Variants in ECT2L observed in about 807,000 individuals in gnomAD.
The protein encoded by ECT2L is epithelial cell transforming 2 like, also known as epithelial cell-transforming sequence 2 oncogene-like.
Under a neutral mutation model 122.8 loss-of-function variants are expected in ECT2L, and 126 were observed. The ratio of observed to expected loss-of-function variants is 1.03; its 90% CI spans 0.89 to 1.19. The LOEUF (loss-of-function observed/expected upper bound fraction) is 1.19, where lower values mean the gene tolerates loss of function less well. ECT2L is among the 50% of genes most tolerant of loss of function. The pLI is 0.00. For synonymous variants in ECT2L, 385 were observed against 381.8 expected, an observed-to-expected ratio of 1.01 and a Z score of -0.10; for missense variants, 1,012 against 1,064.1, an observed-to-expected ratio of 0.95 and a Z score of 0.68.
chr6:138,895,414 A>G (rs991296908), intron 20 of ECT2L, among the ~76,000 whole-genome samples: 2 of 152,172 alleles, frequency 1.3e-5, no homozygotes, highest in African/African-American at 4.8e-5. Context: ...TAAGTTGCCT[A>G]AAGTCATAGA....
intron 1 of ECT2L, among the ~76,000 whole-genome samples, chr6:138,800,186 A>G (rs1170664737): frequency 1.3e-5 from 2 of 152,234 alleles, no homozygotes; most frequent in Non-Finnish European, 2.9e-5. Context: ...TCCAGTTTAC[A>G]TCACCCACAC....
Position 138,860,900 on chromosome 6 carries a change from C to T in ECT2L, c.1199-1727C>T, listed in dbSNP as rs552934267. Among the ~76,000 whole-genome samples, 502 of 152,056 alleles carry T rather than the reference C, an allele frequency of 3.3e-3. 3 individuals carry two copies. The highest frequency in any genetic ancestry group is 0.01 in the Middle Eastern group (3 of 294). ...CTTTCCCGCCAACCCCCTGACAGGC[C>T]CCAGTGTGTGATGTTCCCCTCCCTG... On this transcript the variant is annotated intron_variant, in intron 10 of 21. Transcript: ENST00000541398.
At chr6:138,854,266 A>T in intron 10 of ECT2L, 112 bp downstream of exon 10, 4 of 1,300,686 alleles carry the variant, frequency 3.1e-6, no homozygotes, top group Non-Finnish European at 4.1e-6. Flanking sequence ...TTCACGCTTC[A>T]ATTTCTTTTT....
intron 5 of ECT2L, among the ~76,000 whole-genome samples, chr6:138,840,754 T>C (rs553609093): frequency 6.6e-6 from 1 of 152,230 alleles, no homozygotes; most frequent in East Asian, 1.9e-4. Context: ...GGTGTGTGTT[T>C]GTATGTATCT....
intron 8 of ECT2L, among the ~76,000 whole-genome samples, chr6:138,847,145 C>T (rs1295275428): frequency 6.6e-6 from 1 of 151,350 alleles, no homozygotes; most frequent in Non-Finnish European, 1.5e-5. Context: ...TGGTGTGTGC[C>T]TGTAGTCCCA....
chr6:138,820,912 C>T (rs962823254), intron 4 of ECT2L, among the ~76,000 whole-genome samples: 1 of 152,240 alleles, frequency 6.6e-6, no homozygotes, highest in African/African-American at 2.4e-5. Context: ...CCCTCAGAAT[C>T]ACTTGGAGTT....
chr6:138,814,530 G>C lies in ECT2L; in HGVS notation c.106G>C (p.Asp36His). ...ERVALISHWF[D>H]LWTNKQRQEF... is the part of the protein sequence containing the mutation. Reference sequence around the variant, plus strand: ...AGTGGCTCTTATAAGTCATTGGTTTGACCTCTGGACTAACAAGCAACGTCA... The same window carrying C: ...AGTGGCTCTTATAAGTCATTGGTTTCACCTCTGGACTAACAAGCAACGTCA... The change falls in exon 4 of 22, where the codon GAC becomes CAC. Residue 36 changes from aspartate to histidine, a missense_variant. By Grantham distance (81) the Asp-to-His change is moderately conservative. Coordinates refer to ENST00000541398, the MANE Select transcript of ECT2L (RefSeq NM_001077706.3). 1 of 1,611,800 alleles carries C rather than the reference G, an allele frequency of 6.2e-7. No individual in the cohort carries two copies. The highest frequency in any genetic ancestry group is 8.5e-7 in the Non-Finnish European group (1 of 1,178,536).
chr6:138,841,825 G>T (rs1777049701), intron 5 of ECT2L, among the ~76,000 whole-genome samples: 1 of 152,058 alleles, frequency 6.6e-6, no homozygotes, highest in Admixed American at 6.5e-5. Flanking sequence ...TATAATATTT[G>T]GTCTAGGTAT....
At chr6:138,832,195 T>TTC (rs1776671191) in intron 4 of ECT2L, among the ~76,000 whole-genome samples, 1 of 150,994 alleles carries the variant, frequency 6.6e-6, no homozygotes, top group Non-Finnish European at 1.5e-5. Flanking sequence ...TTTTTTTTTT[T>TTC]TCCAAATGAA....
intron 16 of ECT2L, among the ~76,000 whole-genome samples, chr6:138,884,691 T>A (rs965198117): frequency 4.6e-5 from 7 of 152,136 alleles, no homozygotes; most frequent in Non-Finnish European, 2.9e-5. Flanking sequence ...ACCTGTATAA[T>A]AAATATTACT....
At chr6:138,797,896 G>T (rs1775399119) in intron 1 of ECT2L, among the ~76,000 whole-genome samples, 2 of 152,180 alleles carry the variant, frequency 1.3e-5, no homozygotes, top group African/African-American at 4.8e-5. Flanking sequence ...GTCCCAGGTT[G>T]TGACTATATG....
intron 13 of ECT2L, among the ~76,000 whole-genome samples, chr6:138,871,948 C>T (rs1562485093): frequency 6.6e-6 from 1 of 152,074 alleles, no homozygotes; most frequent in Non-Finnish European, 1.5e-5. Flanking sequence ...ACAAGCAACT[C>T]CCTGAGACAG....
At chr6:138,841,936 G>C (rs1326335169) in intron 5 of ECT2L, among the ~76,000 whole-genome samples, 1 of 152,176 alleles carries the variant, frequency 6.6e-6, no homozygotes, top group Admixed American at 6.5e-5. Context: ...CTCAATGAGA[G>C]GGTTAATCTG....
At chr6:138,883,057 A>T (rs1778697939) in intron 16 of ECT2L, among the ~76,000 whole-genome samples, 186 bp downstream of exon 16, 1 of 152,182 alleles carries the variant, frequency 6.6e-6, no homozygotes, top group African/African-American at 2.4e-5. Flanking sequence ...TTTGACACCC[A>T]GCATTGCCAG....
chr6:138,902,132 T>C (rs1779416902), intron 21 of ECT2L, among the ~76,000 whole-genome samples: 1 of 152,224 alleles, frequency 6.6e-6, no homozygotes, highest in South Asian at 2.1e-4. Context: ...ATTCTGTCAC[T>C]GGCTCTCATA....
At chr6:138,857,718 CT>C (rs1422835107) in intron 10 of ECT2L, among the ~76,000 whole-genome samples, 1 of 152,184 alleles carries the variant, frequency 6.6e-6, no homozygotes, top group African/African-American at 2.4e-5. Context: ...TCTTCTTTCT[CT>C]GCAAGATCCT....
intron 10 of ECT2L, among the ~76,000 whole-genome samples, chr6:138,862,276 C>G (rs143205974): frequency 1.3e-5 from 2 of 152,300 alleles, no homozygotes; most frequent in East Asian, 3.9e-4. Context: ...CCACTGGCAT[C>G]TGCTTGGCAT....
chr6:138,831,665 A>T (rs1776651269), intron 4 of ECT2L, among the ~76,000 whole-genome samples: 1 of 152,304 alleles, frequency 6.6e-6, no homozygotes, highest in East Asian at 1.9e-4. Context: ...AGATTTTTTT[A>T]AAAATTGGTG....
chr6:138,840,194 T>TAGGCTGAGG (rs374900181), intron 5 of ECT2L, among the ~76,000 whole-genome samples: 11 of 151,952 alleles, frequency 7.2e-5, no homozygotes, highest in African/African-American at 2.7e-4. Flanking sequence ...TCATGTTGAG[T>TAGGCTGAGG]AGGCTGAGGA....
Sources: allele counts gnomAD v4.1 joint callset (sites outside exome capture counted in the v4.1 genomes callset), GRCh38; gene constraint gnomAD v4.1.1; transcripts MANE v1.5; gene names NCBI Gene and HGNC (gene_info 2026-07-23, HGNC 2026-07-21).